CADPS2: variants seen among roughly 807,000 people sequenced by gnomAD.
CADPS2 encodes the protein calcium-dependent secretion activator 2.
CADPS2 carries 93 observed loss-of-function variants against 172.5 expected under a neutral mutation model. The ratio of observed to expected loss-of-function variants is 0.54; its 90% CI spans 0.46 to 0.64. The LOEUF is 0.64. Among genes scored for constraint, CADPS2 ranks in the 30% least tolerant of loss-of-function variants. The pLI, the probability that CADPS2 is intolerant of heterozygous loss-of-function variation, is 0.00. For synonymous variants in CADPS2, 546 were observed against 555.2 expected, an observed-to-expected ratio of 0.98 and a Z score of 0.23; for missense variants, 1,420 against 1,565.9, an observed-to-expected ratio of 0.91 and a Z score of 1.57.
At chr7:122,615,383 G>T (rs2074788098) in intron 5 of CADPS2, 84 bp from the exon 6 acceptor site, 2 of 871,214 alleles carry the variant, frequency 2.3e-6, no homozygotes, top group Non-Finnish European at 1.6e-6. Context: ...ACTGTAATAA[G>T]GAAGATTGAC....
intron 27 of CADPS2, among the ~76,000 whole-genome samples, chr7:122,358,745 T>C (rs879656391): frequency 1.3e-5 from 2 of 152,090 alleles, no homozygotes; most frequent in Non-Finnish European, 2.9e-5. Flanking sequence ...TTACAGCTTT[T>C]AAAGTTAATA....
chr7:122,721,993 C>G (rs13224171), intron 2 of CADPS2, among the ~76,000 whole-genome samples: 8 of 152,178 alleles, frequency 5.3e-5, no homozygotes, highest in East Asian at 3.9e-4. Flanking sequence ...ATTCAACAAC[C>G]CTTCATGCTA....
intron 7 of CADPS2, among the ~76,000 whole-genome samples, chr7:122,564,056 T>TA (rs1334703919): frequency 2.0e-5 from 3 of 151,848 alleles, no homozygotes; most frequent in Admixed American, 6.6e-5. Flanking sequence ...TCTGAAAAAA[T>TA]AAAAAAACTA....
At chr7:122,545,453 G>T (rs375263959) in intron 8 of CADPS2, among the ~76,000 whole-genome samples, 3 of 152,094 alleles carry the variant, frequency 2.0e-5, no homozygotes, top group African/African-American at 7.2e-5. Flanking sequence ...TTCGTGTTGG[G>T]TATAAAATCT....
intron 8 of CADPS2, among the ~76,000 whole-genome samples, chr7:122,537,210 T>C (rs2131475506): frequency 6.6e-6 from 1 of 151,784 alleles, no homozygotes; most frequent in Non-Finnish European, 1.5e-5. Flanking sequence ...TATACAACTA[T>C]TTATCAAAGA....
chr7:122,629,710 C>T (rs2430021), intron 3 of CADPS2, among the ~76,000 whole-genome samples: 78,194 of 151,858 alleles, frequency 0.51, 20,397 homozygotes, highest in East Asian at 0.72. Context: ...TTTAAAAAAA[C>T]TCCCTTTGCT....
intron 8 of CADPS2, among the ~76,000 whole-genome samples, chr7:122,549,270 C>T (rs1346466102): frequency 6.6e-6 from 1 of 152,014 alleles, no homozygotes; most frequent in Non-Finnish European, 1.5e-5. Flanking sequence ...GATTGATAAA[C>T]CTAAACAGCT....
intron 2 of CADPS2, among the ~76,000 whole-genome samples, chr7:122,736,056 C>CTTCCATTAT (rs951753450): frequency 2.0e-5 from 3 of 152,120 alleles, no homozygotes; most frequent in East Asian, 3.9e-4. Flanking sequence ...GTCAGCAAAA[C>CTTCCATTAT]TTCATTTAAT....
At chr7:122,649,009 GAGA>G (rs1205370973) in intron 3 of CADPS2, among the ~76,000 whole-genome samples, 10 of 152,016 alleles carry the variant, frequency 6.6e-5, no homozygotes, top group African/African-American at 2.2e-4. Context: ...TCAGATCACA[GAGA>G]AGGAGCTTTC....
chr7:122,379,448 T>C lies in CADPS2; in HGVS notation c.3313-6A>G, dbSNP rs1282881309. 1.9e-6 allele frequency: 3 copies of C among 1,586,704 alleles called. No individual in the cohort carries two copies. Among genetic ancestry groups the C allele is most frequent in the East Asian group, 2.2e-5 (1 of 44,486 alleles). On this transcript the variant is annotated splice_region_variant and splice_polypyrimidine_tract_variant and intron_variant, in intron 24 of 29. Coordinates refer to ENST00000449022, the MANE Select transcript of CADPS2 (RefSeq NM_017954.11). ...ATTTTTGAATGGTACTGTTGCTAGA[T>C]ATTAAAAGATAAAAACTCATTAGTT...
At chr7:122,782,715 GAA>G (rs1439329072) in intron 1 of CADPS2, among the ~76,000 whole-genome samples, 2 of 152,146 alleles carry the variant, frequency 1.3e-5, no homozygotes, top group African/African-American at 2.4e-5. Flanking sequence ...CAGATACTAA[GAA>G]AGTATTTGGT....
chr7:122,851,269 G>A (rs1050808069), intron 1 of CADPS2, among the ~76,000 whole-genome samples: 4 of 152,106 alleles, frequency 2.6e-5, no homozygotes, highest in Non-Finnish European at 4.4e-5. Flanking sequence ...AGTCCCCAGG[G>A]ATGTTCAACT....
intron 28 of CADPS2, among the ~76,000 whole-genome samples, chr7:122,334,923 C>T (rs1157269307): frequency 6.6e-6 from 1 of 152,110 alleles, no homozygotes; most frequent in African/African-American, 2.4e-5. Flanking sequence ...TACTGTATTC[C>T]CAGCCTCTAG....
Position 122,554,676 on chromosome 7 carries a change from G to C in CADPS2, c.1349C>G (p.Pro450Arg), listed in dbSNP as rs1251904476. The change falls in exon 8 of 30, where the codon CCA becomes CGA. Residue 450 changes from proline (P) to arginine (R), a missense_variant. Physicochemically the swap from Pro to Arg is moderately radical, Grantham distance 103. Coordinates refer to ENST00000449022, the MANE Select transcript of CADPS2 (RefSeq NM_017954.11). ...DKELGRVILY[P>R]TSNSSKSAEL... ...AGCTGATTTGGAGCTATTAGAAGTT[G>C]GGTATAATATCACCTGTATGGAAAA... is the stretch of plus-strand genomic sequence containing the variant. 2 of 1,607,082 alleles carry C rather than the reference G, an allele frequency of 1.2e-6. No individual in the cohort carries two copies. The highest frequency in any genetic ancestry group is 2.2e-5 in the East Asian group (1 of 44,550).
At chr7:122,370,310 G>C (rs753680526) in intron 25 of CADPS2, among the ~76,000 whole-genome samples, 20 of 152,166 alleles carry the variant, frequency 1.3e-4, no homozygotes, top group Non-Finnish European at 2.8e-4. Context: ...CCCTGGCATT[G>C]AGCATACTTT....
intron 2 of CADPS2, among the ~76,000 whole-genome samples, chr7:122,693,955 G>A (rs949997176): frequency 6.6e-5 from 10 of 152,220 alleles, no homozygotes; most frequent in Middle Eastern, 3.4e-3. Context: ...CAGAGGAAGA[G>A]CTCTGTCTCA....
chr7:122,437,648 A>G (rs569676255), intron 17 of CADPS2, among the ~76,000 whole-genome samples: 1 of 152,072 alleles, frequency 6.6e-6, no homozygotes, highest in Non-Finnish European at 1.5e-5. Flanking sequence ...TGACAATTTG[A>G]GCAAAAAATG....
chr7:122,742,117 G>A (rs911908997), intron 1 of CADPS2, among the ~76,000 whole-genome samples: 3 of 152,112 alleles, frequency 2.0e-5, no homozygotes, highest in East Asian at 1.9e-4. Flanking sequence ...CAAACTGGGC[G>A]CAGCGGCTCA....
At chr7:122,746,579 C>T (rs967415149) in intron 1 of CADPS2, among the ~76,000 whole-genome samples, 3 of 152,074 alleles carry the variant, frequency 2.0e-5, no homozygotes, top group African/African-American at 7.2e-5. Flanking sequence ...TCTTGGGCCA[C>T]ATGTAAAACA....
Sources: gnomAD v4.1 joint callset for allele counts (sites outside exome capture counted in the v4.1 genomes callset) on GRCh38, gnomAD v4.1.1 for gene constraint, MANE v1.5 for transcripts, NCBI Gene and HGNC (gene_info 2026-07-23, HGNC 2026-07-21) for gene names.